Variants in MALRD1 observed in about 807,000 individuals in gnomAD.
MALRD1 encodes MAM and LDL-receptor class A domain-containing protein 1.
Under a neutral mutation model 242.1 loss-of-function variants are expected in MALRD1, and 247 were observed. That is an observed-to-expected ratio of 1.02 (90% CI 0.92 to 1.13). MALRD1 has a LOEUF of 1.13. MALRD1 is among the 50% of genes most tolerant of loss of function. MALRD1 has a pLI of 0.00. For synonymous variants in MALRD1, 995 were observed against 866.6 expected (o/e 1.15, Z -2.60); for missense variants, 2,989 against 2,533.1 (o/e 1.18, Z -3.86).
chr10:19,300,667 T>C (rs1841909454), intron 21 of MALRD1, among the ~76,000 whole-genome samples: 1 of 151,878 alleles, frequency 6.6e-6, no homozygotes, highest in African/African-American at 2.4e-5. Context: ...ACACAGAAGA[T>C]TGAAACTGGA....
At chr10:19,662,030 A>G (rs921946129) in intron 36 of MALRD1, among the ~76,000 whole-genome samples, 9 of 152,126 alleles carry the variant, frequency 5.9e-5, no homozygotes, top group African/African-American at 2.2e-4. Flanking sequence ...ATACTCCTTC[A>G]TTTTTATTTT....
intron 18 of MALRD1, among the ~76,000 whole-genome samples, chr10:19,232,113 C>T (rs922042663): frequency 6.6e-5 from 10 of 151,850 alleles, no homozygotes; most frequent in Admixed American, 1.3e-4. Flanking sequence ...TACTATCAGT[C>T]TAAAATCAGG....
chr10:19,067,453 G>A (rs919677429), intron 2 of MALRD1, among the ~76,000 whole-genome samples: 6 of 152,054 alleles, frequency 3.9e-5, no homozygotes, highest in Admixed American at 2.0e-4. Flanking sequence ...AGGTTTACAC[G>A]TGGTAGAAAA....
intron 21 of MALRD1, among the ~76,000 whole-genome samples, chr10:19,307,113 G>A (rs1431609175): frequency 6.6e-6 from 1 of 151,492 alleles, no homozygotes; most frequent in African/African-American, 2.4e-5. Flanking sequence ...CTGCAGTTAT[G>A]ACATAAACAA....
At chr10:19,624,878 GAAAAA>G (rs145042762) in intron 36 of MALRD1, among the ~76,000 whole-genome samples, 2 of 119,946 alleles carry the variant, frequency 1.7e-5, no homozygotes, top group Admixed American at 9.2e-5. Context: ...CTCAAAAAAG[GAAAAA>G]AAAAAAAAAA....
chr10:19,411,942 C>T (rs1041615105), intron 28 of MALRD1, among the ~76,000 whole-genome samples: 2 of 152,188 alleles, frequency 1.3e-5, no homozygotes, highest in African/African-American at 4.8e-5. Context: ...ACTGTTCACT[C>T]ATGGTTTTTC....
At position 19,078,122 on chromosome 10, in the gene MALRD1, A is replaced by AT. The variant is rs201711940; in HGVS notation, c.341-9710dup. 9.2e-3 allele frequency among the ~76,000 whole-genome samples: 1,389 copies of AT among 151,332 alleles called. 27 individuals carry two copies. The highest frequency in any genetic ancestry group is 0.032 in the African/African-American group (1,334 of 41,350). ...TATCATTAGGATTTAAATTTTTTTT[A>AT]TTTTTTTTGAATTTTACATTTTATT... On this transcript the variant is annotated intron_variant, in intron 2 of 39. Coordinates refer to ENST00000454679, the MANE Select transcript of MALRD1 (RefSeq NM_001142308.3).
chr10:19,465,520 C>A (rs567620060), intron 29 of MALRD1, among the ~76,000 whole-genome samples: 1 of 152,118 alleles, frequency 6.6e-6, no homozygotes, highest in Admixed American at 6.5e-5. Context: ...TTGTTTGATT[C>A]TCTGGAGTCT....
chr10:19,386,613 C>T (rs1248124803), intron 26 of MALRD1, among the ~76,000 whole-genome samples: 2 of 151,882 alleles, frequency 1.3e-5, no homozygotes, highest in African/African-American at 4.8e-5. Context: ...ACTTTATTTC[C>T]CTCATTCATG....
intron 1 of MALRD1, among the ~76,000 whole-genome samples, chr10:19,057,631 T>C (rs892045567): frequency 4.6e-5 from 7 of 152,140 alleles, no homozygotes; most frequent in Non-Finnish European, 8.8e-5. Flanking sequence ...AAAACACAGA[T>C]GTGCAGAAAA....
chr10:19,452,024 GCTT>G (rs1403451604), intron 29 of MALRD1, among the ~76,000 whole-genome samples: 1 of 152,174 alleles, frequency 6.6e-6, no homozygotes, highest in East Asian at 1.9e-4. Flanking sequence ...ATGAGAATAT[GCTT>G]CTTGAACTCT....
intron 18 of MALRD1, among the ~76,000 whole-genome samples, chr10:19,252,968 T>C (rs1839359781): frequency 6.6e-6 from 1 of 152,026 alleles, no homozygotes; most frequent in African/African-American, 2.4e-5. Flanking sequence ...AAGTTTGGAA[T>C]TCTAAGCTGA....
intron 12 of MALRD1, among the ~76,000 whole-genome samples, chr10:19,156,641 T>G (rs1394400224): frequency 6.6e-6 from 1 of 152,148 alleles, no homozygotes; most frequent in African/African-American, 2.4e-5. Context: ...TACAGAAATT[T>G]GAAGATATTA....
chr10:19,234,470 G>T (rs900305233), intron 18 of MALRD1, among the ~76,000 whole-genome samples: 4 of 151,932 alleles, frequency 2.6e-5, no homozygotes, highest in African/African-American at 9.7e-5. Flanking sequence ...AATAGAGATA[G>T]TCATTAGTTT....
chr10:19,132,645 C>T lies in MALRD1; in HGVS notation c.1111-1211C>T, dbSNP rs569297008. Among the ~76,000 whole-genome samples, 24 of 152,140 alleles carry T rather than the reference C, an allele frequency of 1.6e-4. 1 individual carries two copies. Among genetic ancestry groups the T allele is most frequent in the African/African-American group, 5.3e-4 (22 of 41,516 alleles). On this transcript the variant is annotated intron_variant, in intron 8 of 39. Coordinates refer to ENST00000454679, the MANE Select transcript of MALRD1 (RefSeq NM_001142308.3). ...AAAACAAGATGTTGCCTTTCAGGGC[C>T]GTTTTCTATCTCATGCTAGAAAGTG... is the stretch of plus-strand genomic sequence containing the variant.
At chr10:19,276,931 G>T (rs1219362790) in intron 19 of MALRD1, among the ~76,000 whole-genome samples, 1 of 151,490 alleles carries the variant, frequency 6.6e-6, no homozygotes, top group Admixed American at 6.6e-5. Context: ...TTGGGTTGGG[G>T]GGTGGGAAGG....
chr10:19,247,722 A>G (rs1385075141), intron 18 of MALRD1, among the ~76,000 whole-genome samples: 1 of 152,144 alleles, frequency 6.6e-6, no homozygotes, highest in Non-Finnish European at 1.5e-5. Context: ...AAGAGCAATT[A>G]CAAAGTGGAC....
At chr10:19,385,573 A>G (rs1485066808) in intron 26 of MALRD1, among the ~76,000 whole-genome samples, 1 of 152,008 alleles carries the variant, frequency 6.6e-6, no homozygotes, top group Non-Finnish European at 1.5e-5. Context: ...TGTCTATGGA[A>G]TCAGTTGTAT....
In MALRD1 at chr10:19,194,608, C is replaced by A. The variant is rs141739313; in HGVS notation, c.1952-9120C>A. ...TCTTTACTATTCAATGGTGTCTCTC[C>A]AGCAAAGCCCACCACTTTTTCCTTG... On this transcript the variant is annotated intron_variant, in intron 14 of 39. Transcript: ENST00000454679. 2.8e-3 allele frequency among the ~76,000 whole-genome samples: 421 copies of A among 152,230 alleles called. 2 individuals are homozygous for A. Among genetic ancestry groups the A allele is most frequent in the African/African-American group, 9.7e-3 (403 of 41,552 alleles).
Sources: allele counts gnomAD v4.1 joint callset (sites outside exome capture counted in the v4.1 genomes callset), GRCh38; gene constraint gnomAD v4.1.1; transcripts MANE v1.5; gene names NCBI Gene and HGNC (gene_info 2026-07-23, HGNC 2026-07-21).